The following PDS5A variants were observed in gnomAD, a reference collection of about 807,000 sequenced individuals.
PDS5A encodes sister chromatid cohesion protein PDS5 homolog A.
A neutral mutation model predicts 167.1 loss-of-function variants in PDS5A; 42 were observed. The ratio of observed to expected loss-of-function variants is 0.25; its 90% CI spans 0.20 to 0.33. The LOEUF (loss-of-function observed/expected upper bound fraction) is 0.33, where lower values mean the gene tolerates loss of function less well. Ranked by LOEUF, PDS5A falls within the 10% of genes least tolerant of loss-of-function variation. PDS5A has a pLI of 1.00. For missense variants in PDS5A, 1,033 were observed against 1,605.9 expected (o/e 0.64, Z 6.10); for synonymous variants, 553 against 554.6 (o/e 1.00, Z 0.04).
chr4:39,902,467 A>C lies in PDS5A; in HGVS notation c.1386-7T>G. On this transcript the variant is annotated splice_region_variant and splice_polypyrimidine_tract_variant and intron_variant, in intron 12 of 32. Coordinates refer to ENST00000303538, the MANE Select transcript of PDS5A (RefSeq NM_001100399.2). ...GATTTTCTCTACCAACAGTCTAGGA[A>C]ATAACAACAACAAAAAAAACCTAAG... 7.3e-7 allele frequency: 1 copy of C among 1,364,974 alleles called. No homozygotes were observed. The highest frequency in any genetic ancestry group is 1.0e-6 in the Non-Finnish European group (1 of 981,436). The allele number at this position is 1,364,974 out of a possible 1,614,324, so 84.6% of individuals were successfully genotyped here.
intron 2 of PDS5A, among the ~76,000 whole-genome samples, chr4:39,975,102 G>C (rs1355428716): frequency 9.4e-6 from 1 of 106,268 alleles, no homozygotes; most frequent in Non-Finnish European, 1.8e-5. Context: ...GCAAGACTCC[G>C]TCTCAAAAAA....
At chr4:39,973,627 G>A in intron 2 of PDS5A, 2 of 1,308,762 alleles carry the variant, frequency 1.5e-6, no homozygotes, top group South Asian at 1.2e-5. Context: ...CACTAAAGCA[G>A]TTACAGAAAT....
chr4:39,891,262 A>G (rs539665981), intron 16 of PDS5A, among the ~76,000 whole-genome samples: 69 of 149,614 alleles, frequency 4.6e-4, no homozygotes, highest in Non-Finnish European at 3.0e-4. Flanking sequence ...CGAACTCCCG[A>G]ACTCAGGTGA....
intron 26 of PDS5A, among the ~76,000 whole-genome samples, chr4:39,861,458 G>C (rs1464224061): frequency 6.6e-6 from 1 of 151,770 alleles, no homozygotes; most frequent in Non-Finnish European, 1.5e-5. Context: ...ACTCCATCTC[G>C]GAAAAAAATA....
chr4:39,906,312 G>A (rs1189192034), intron 11 of PDS5A, among the ~76,000 whole-genome samples: 2 of 151,906 alleles, frequency 1.3e-5, no homozygotes, highest in African/African-American at 4.8e-5. Context: ...AGGGTGCAGT[G>A]AGCTGAGATT....
At chr4:39,844,466 G>A (rs1444966082) in intron 30 of PDS5A, among the ~76,000 whole-genome samples, 190 bp downstream of exon 30, 1 of 126,414 alleles carries the variant, frequency 7.9e-6, no homozygotes, top group Non-Finnish European at 1.6e-5. Context: ...GGACAAGAGC[G>A]AGACTTTGTC....
At chr4:39,849,836 CAT>C (rs1028347370) in intron 26 of PDS5A, among the ~76,000 whole-genome samples, 184 bp from the exon 27 acceptor site, 12 of 152,108 alleles carry the variant, frequency 7.9e-5, no homozygotes, top group African/African-American at 2.4e-4. Context: ...CATAAAATAA[CAT>C]ATAAAAAATG....
intron 27 of PDS5A, 27 bp downstream of exon 27, chr4:39,849,493 C>T: frequency 2.6e-6 from 3 of 1,168,702 alleles, no homozygotes; most frequent in Non-Finnish European, 3.6e-6. Flanking sequence ...TACATCTTAA[C>T]ACCCACTGGC....
At chr4:39,928,279 A>C (rs1176300901) in intron 2 of PDS5A, 115 bp from the exon 3 acceptor site, 1 of 616,532 alleles carries the variant, frequency 1.6e-6, no homozygotes, top group Non-Finnish European at 2.8e-6. Context: ...GCCACCAGAC[A>C]GTTCACAGTC....
In PDS5A at chr4:39,974,150, T is replaced by TCTC. The variant is rs562207627; in HGVS notation, c.138+2287_138+2289dup. The TCTC allele has an allele frequency of 8.1e-4, 464 of 574,590 alleles. 9 individuals are homozygous for TCTC. The East Asian group carries it at 0.02, about 25-fold the overall frequency. 35.6% of individuals were successfully genotyped at this position (574,590 alleles called of 1,614,324 possible). The stretch of plus-strand genomic sequence containing the variant: ...AATAAATAAAAACCGTGCTGCATAC[T>TCTC]CTCCTCCTAGCCAAACTGCTCTACT... On this transcript the variant is annotated intron_variant, in intron 2 of 32. Coordinates refer to ENST00000303538, the MANE Select transcript of PDS5A (RefSeq NM_001100399.2).
intron 30 of PDS5A, among the ~76,000 whole-genome samples, chr4:39,842,903 CTATTTTTATATA>C (rs1347691886): frequency 4.2e-5 from 1 of 23,994 alleles, no homozygotes; most frequent in Non-Finnish European, 7.2e-5. Flanking sequence ...TAAACTTATC[CTATTTTTATATA>C]TATATATATA....
chr4:39,826,034 C>CT (rs1715274967), intron 32 of PDS5A, among the ~76,000 whole-genome samples: 1 of 152,136 alleles, frequency 6.6e-6, no homozygotes, highest in African/African-American at 2.4e-5. Flanking sequence ...CTTAGTGCTG[C>CT]TATCCAATGC....
intron 2 of PDS5A, chr4:39,973,761 C>T (rs1420819866): frequency 1.5e-6 from 2 of 1,299,636 alleles, no homozygotes; most frequent in Admixed American, 3.4e-5. Flanking sequence ...CTGTGCCCAA[C>T]CATGTAATCA....
intron 28 of PDS5A, chr4:39,847,942 C>G (rs1314726376): frequency 1.3e-5 from 2 of 152,398 alleles, no homozygotes; most frequent in Non-Finnish European, 2.9e-5. Context: ...CACCTGAGCT[C>G]TGCCTCCTGT....
At position 39,866,855 on chromosome 4, in the gene PDS5A, T is replaced by C. The variant is rs1484613386; in HGVS notation, c.2642+6A>G. ...TAAGAAAACTGGAAAGAAAGAAAAA[T>C]CTCACCTGATCCTCTTTTGCTCTGT... On this transcript the variant is annotated splice_donor_region_variant and intron_variant, in intron 23 of 32. Transcript: ENST00000303538. 1.3e-6 allele frequency: 2 copies of C among 1,593,600 alleles called. No individual in the cohort carries two copies. The highest frequency in any genetic ancestry group is 2.2e-5 in the East Asian group (1 of 44,658).
chr4:39,910,433 T>C (rs377427533), intron 9 of PDS5A, 95 bp from the exon 10 acceptor site: 31 of 645,474 alleles, frequency 4.8e-5, no homozygotes, highest in South Asian at 4.8e-4. Flanking sequence ...TACGCAACAA[T>C]AGTTACTGAT....
At chr4:39,901,266 C>CTTTTTTT (rs772230554) in intron 13 of PDS5A, among the ~76,000 whole-genome samples, 11 of 121,278 alleles carry the variant, frequency 9.1e-5, no homozygotes, top group South Asian at 2.8e-4. Context: ...TCTTTTCTTT[C>CTTTTTTT]TTTTTTTTTT....
At chr4:39,841,308 T>C (rs1716988658) in intron 31 of PDS5A, among the ~76,000 whole-genome samples, 1 of 150,260 alleles carries the variant, frequency 6.7e-6, no homozygotes, top group African/African-American at 2.5e-5. Flanking sequence ...TCCAGTTAAT[T>C]TTTGTACTTT....
chr4:39,872,324 C>T (rs1208493708), intron 21 of PDS5A, among the ~76,000 whole-genome samples: 3 of 151,774 alleles, frequency 2.0e-5, no homozygotes, highest in Non-Finnish European at 4.4e-5. Flanking sequence ...TTACAGCTGC[C>T]GTCACCACAC....
Sources: gnomAD v4.1 joint callset for allele counts (sites outside exome capture counted in the v4.1 genomes callset) on GRCh38, gnomAD v4.1.1 for gene constraint, MANE v1.5 for transcripts, NCBI Gene and HGNC (gene_info 2026-07-23, HGNC 2026-07-21) for gene names.